The following NTM variants were observed in gnomAD, a reference collection of about 807,000 sequenced individuals.
NTM encodes IgLON family member 2.
In NTM, 13 loss-of-function variants were observed where a neutral mutation model predicts 42.1. The observed-to-expected ratio is 0.31, with a 90% CI of 0.20 to 0.49. The LOEUF is 0.49. Ranked by LOEUF, NTM falls within the 20% of genes least tolerant of loss-of-function variation. NTM has a pLI of 0.99. For missense variants in NTM, 373 were observed against 452.8 expected (o/e 0.82, Z 1.60); for synonymous variants, 187 against 179.2 (o/e 1.04, Z -0.35).
intron 1 of NTM, among the ~76,000 whole-genome samples, chr11:131,489,548 C>T (rs1954544850): frequency 6.6e-6 from 1 of 152,192 alleles, no homozygotes; most frequent in Non-Finnish European, 1.5e-5. Flanking sequence ...GGAAACATTG[C>T]CTTGAATCTT....
chr11:131,645,603 C>T (rs2065675825), intron 1 of NTM, among the ~76,000 whole-genome samples: 1 of 152,238 alleles, frequency 6.6e-6, no homozygotes, highest in South Asian at 2.1e-4. Flanking sequence ...ATGAAGCCTT[C>T]ATCTAAATAT....
chr11:131,978,608 T>A (rs1457013468), intron 2 of NTM, among the ~76,000 whole-genome samples: 13 of 152,236 alleles, frequency 8.5e-5, no homozygotes, highest in African/African-American at 2.9e-4. Flanking sequence ...CTATGACTGT[T>A]CCCGAGGCTC....
At position 131,405,835 on chromosome 11, in the gene NTM, C is replaced by A. The variant is rs2218671; in HGVS notation, c.82+34947C>A. Among the ~76,000 whole-genome samples the A allele has an allele frequency of 9.9e-5, 15 of 152,054 alleles. No homozygotes were observed. In the East Asian group the frequency reaches 2.9e-3, roughly 29 times the overall value. On this transcript the variant is annotated intron_variant, in intron 1 of 8. Transcript: ENST00000683400. ...CCTCAGTGAGTATGCTCCACTAACC[C>A]TGTCCCTCCTTCTGGTTCTTAAACT...
chr11:131,678,377 A>G (rs2071804774), intron 1 of NTM, among the ~76,000 whole-genome samples: 1 of 152,194 alleles, frequency 6.6e-6, no homozygotes, highest in East Asian at 1.9e-4. Context: ...AGCGCTGACC[A>G]CTCAGCTTTC....
intron 1 of NTM, among the ~76,000 whole-genome samples, chr11:131,610,411 C>T (rs149972067): frequency 7.6e-4 from 115 of 152,278 alleles, no homozygotes; most frequent in Non-Finnish European, 1.1e-3. Context: ...TTTTGGCCCA[C>T]GGAATTCATT....
At chr11:131,841,659 A>G (rs543583860) in intron 1 of NTM, among the ~76,000 whole-genome samples, 1 of 152,324 alleles carries the variant, frequency 6.6e-6, no homozygotes, top group Admixed American at 6.5e-5. Context: ...GATAACTGCT[A>G]TCAGATAGGG....
At chr11:132,070,691 A>C (rs1460896364) in intron 2 of NTM, among the ~76,000 whole-genome samples, 32 of 134,196 alleles carry the variant, frequency 2.4e-4, no homozygotes, top group East Asian at 9.3e-4. Context: ...TAACACGTCA[A>C]ACTGACCATC....
At chr11:132,122,030 C>T (rs2064921935) in intron 2 of NTM, among the ~76,000 whole-genome samples, 1 of 152,194 alleles carries the variant, frequency 6.6e-6, no homozygotes, top group South Asian at 2.1e-4. Flanking sequence ...ATGCATGAAA[C>T]TGAAAGGGGA....
intron 1 of NTM, among the ~76,000 whole-genome samples, chr11:131,434,955 T>C (rs1301997449): frequency 6.6e-6 from 1 of 152,234 alleles, no homozygotes; most frequent in Non-Finnish European, 1.5e-5. Context: ...CCATCTTGAA[T>C]TTATTTTTGT....
chr11:131,833,618 G>T (rs1565609037), intron 1 of NTM, among the ~76,000 whole-genome samples: 1 of 152,174 alleles, frequency 6.6e-6, no homozygotes, highest in African/African-American at 2.4e-5. Flanking sequence ...ATCATGAATT[G>T]AAGTCTTTTC....
chr11:131,948,467 C>T (rs1164776200), intron 2 of NTM, among the ~76,000 whole-genome samples: 5 of 152,252 alleles, frequency 3.3e-5, no homozygotes, highest in African/African-American at 1.2e-4. Flanking sequence ...TAGCCCTTCT[C>T]ATTTACTGAA....
chr11:131,511,196 C>T (rs980542898), intron 1 of NTM, among the ~76,000 whole-genome samples: 1 of 152,202 alleles, frequency 6.6e-6, no homozygotes, highest in Non-Finnish European at 1.5e-5. Flanking sequence ...CATACAGAGG[C>T]ATCTGAGCAG....
intron 2 of NTM, among the ~76,000 whole-genome samples, chr11:132,086,433 A>G (rs2059723817): frequency 6.6e-6 from 1 of 152,198 alleles, no homozygotes; most frequent in Admixed American, 6.5e-5. Flanking sequence ...AGAGAAAAAC[A>G]TAAAGGCCTT....
chr11:132,254,449 C>T (rs2092296655), intron 4 of NTM, among the ~76,000 whole-genome samples: 1 of 151,790 alleles, frequency 6.6e-6, no homozygotes, highest in Non-Finnish European at 1.5e-5. Context: ...TGTACACACC[C>T]ACTGTGAATG....
chr11:131,435,332 C>T (rs1437855251), intron 1 of NTM, among the ~76,000 whole-genome samples: 1 of 152,198 alleles, frequency 6.6e-6, no homozygotes, highest in African/African-American at 2.4e-5. Flanking sequence ...TGAAGAAAGT[C>T]ATTGGGAGCT....
rs146527050 is a variant in NTM, at chr11:132,014,736, G to GTTTT, written c.167+103105_167+103108dup. On this transcript the variant is annotated intron_variant, in intron 2 of 8. Transcript: ENST00000683400. ...TACCCGCTTTTTAAGAGAATTACTT[G>GTTTT]TTTTTTTTTTTTTTTTTTTTGCTGT... Among the ~76,000 whole-genome samples, 205 of 83,848 alleles carry GTTTT rather than the reference G, an allele frequency of 2.4e-3. 1 individual carries two copies. Among genetic ancestry groups the GTTTT allele is most frequent in the East Asian group, 4.0e-3 (9 of 2,228 alleles). 55.0% of individuals were successfully genotyped at this position (83,848 alleles called of 152,430 possible). A position where few individuals can be genotyped will look rare whatever the true frequency, so the allele number is the denominator to read the frequency against.
At chr11:132,044,077 T>A (rs532370778) in intron 2 of NTM, among the ~76,000 whole-genome samples, 1 of 100,044 alleles carries the variant, frequency 1.0e-5, no homozygotes, top group African/African-American at 2.7e-5. Context: ...TATGTGTATG[T>A]GTTTGTGTGT....
intron 1 of NTM, among the ~76,000 whole-genome samples, chr11:131,381,271 G>A (rs546431652): frequency 1.3e-5 from 2 of 152,304 alleles, no homozygotes; most frequent in East Asian, 3.9e-4. Flanking sequence ...TTTTTTAGCT[G>A]TTTCTCCAAA....
At chr11:131,416,429 C>T (rs1373817786) in intron 1 of NTM, among the ~76,000 whole-genome samples, 2 of 152,154 alleles carry the variant, frequency 1.3e-5, no homozygotes, top group Non-Finnish European at 2.9e-5. Context: ...AAATCTTTGT[C>T]AAACACACGG....
Sources: gnomAD v4.1 joint callset for allele counts (sites outside exome capture counted in the v4.1 genomes callset) on GRCh38, gnomAD v4.1.1 for gene constraint, MANE v1.5 for transcripts, NCBI Gene and HGNC (gene_info 2026-07-23, HGNC 2026-07-21) for gene names.